Variants in ERC2 observed in about 807,000 individuals in gnomAD.
ERC2 encodes ERC protein 2.
In ERC2, 42 loss-of-function variants were observed where a neutral mutation model predicts 114.8. The ratio of observed to expected loss-of-function variants is 0.37; its 90% CI spans 0.29 to 0.47. The LOEUF is 0.47. Among genes scored for constraint, ERC2 ranks in the 20% least tolerant of loss-of-function variants. The pLI is 0.99. For synonymous variants in ERC2, 454 were observed against 425.5 expected, an observed-to-expected ratio of 1.07 and a Z score of -0.82; for missense variants, 939 against 1,150.7, an observed-to-expected ratio of 0.82 and a Z score of 2.66.
chr3:55,721,839 AC>A (rs2148888074), intron 15 of ERC2, among the ~76,000 whole-genome samples: 1 of 152,166 alleles, frequency 6.6e-6, no homozygotes, highest in East Asian at 1.9e-4. Flanking sequence ...CCTCCTTCCT[AC>A]CCCAGCACCC....
At chr3:56,287,397 T>A (rs1336021959) in intron 3 of ERC2, among the ~76,000 whole-genome samples, 3 of 152,192 alleles carry the variant, frequency 2.0e-5, no homozygotes, top group Admixed American at 6.5e-5. Context: ...CTCACAAAAA[T>A]TCACCTATTT....
intron 1 of ERC2, among the ~76,000 whole-genome samples, chr3:56,448,787 G>A (rs1246310912): frequency 1.3e-5 from 2 of 152,072 alleles, no homozygotes; most frequent in South Asian, 4.1e-4. Flanking sequence ...AAAAACAAGT[G>A]GTAGTTGGCC....
intron 14 of ERC2, among the ~76,000 whole-genome samples, chr3:55,797,515 C>A (rs572142242): frequency 2.0e-5 from 3 of 152,156 alleles, no homozygotes; most frequent in African/African-American, 7.2e-5. Context: ...CAGTCACTTG[C>A]GGTTCCCACT....
At chr3:56,313,184 A>G (rs2056696652) in intron 2 of ERC2, among the ~76,000 whole-genome samples, 1 of 149,814 alleles carries the variant, frequency 6.7e-6, no homozygotes, top group African/African-American at 2.4e-5. Flanking sequence ...ATTGCTGGGG[A>G]GAGGAGGATG....
intron 4 of ERC2, among the ~76,000 whole-genome samples, chr3:56,172,182 A>G (rs1038604644): frequency 1.3e-5 from 2 of 152,114 alleles, no homozygotes; most frequent in Non-Finnish European, 2.9e-5. Context: ...TAAGTTTAAA[A>G]CAACTGATGA....
intron 14 of ERC2, among the ~76,000 whole-genome samples, chr3:55,800,569 C>G (rs1020543392): frequency 2.6e-5 from 4 of 152,172 alleles, no homozygotes; most frequent in Admixed American, 2.6e-4. Context: ...GACATTATCT[C>G]ACAATGACAC....
chr3:55,770,187 G>A (rs1392528256), intron 14 of ERC2, among the ~76,000 whole-genome samples: 1 of 152,132 alleles, frequency 6.6e-6, no homozygotes, highest in Non-Finnish European at 1.5e-5. Flanking sequence ...TAGAGTGATG[G>A]TGACATGTAG....
At chr3:55,806,626 A>C (rs1377916429) in intron 14 of ERC2, among the ~76,000 whole-genome samples, 1 of 152,152 alleles carries the variant, frequency 6.6e-6, no homozygotes, top group African/African-American at 2.4e-5. Context: ...TGCTACTGGC[A>C]TCCAATGGGC....
At chr3:55,753,355 G>T (rs749437696) in intron 14 of ERC2, among the ~76,000 whole-genome samples, 1 of 152,108 alleles carries the variant, frequency 6.6e-6, no homozygotes, top group Non-Finnish European at 1.5e-5. Flanking sequence ...TTAGCTGTGG[G>T]AATCTATAAA....
intron 15 of ERC2, among the ~76,000 whole-genome samples, chr3:55,722,315 C>T (rs2064617641): frequency 6.6e-6 from 1 of 152,084 alleles, no homozygotes; most frequent in African/African-American, 2.4e-5. Context: ...AGCAACTGCA[C>T]GTGGGGAGCT....
At chr3:56,204,309 C>G (rs1004570502) in intron 3 of ERC2, among the ~76,000 whole-genome samples, 2 of 152,018 alleles carry the variant, frequency 1.3e-5, no homozygotes, top group African/African-American at 2.4e-5. Flanking sequence ...CAACATGGTG[C>G]GTGGTACACA....
At chr3:55,915,198 T>A (rs1416181503) in intron 13 of ERC2, among the ~76,000 whole-genome samples, 1 of 152,170 alleles carries the variant, frequency 6.6e-6, no homozygotes. Flanking sequence ...TTAACATTAT[T>A]TCAGCACTTT....
chr3:55,576,181 C>A (rs1172883766), intron 17 of ERC2, among the ~76,000 whole-genome samples: 1 of 151,968 alleles, frequency 6.6e-6, no homozygotes, highest in Non-Finnish European at 1.5e-5. Context: ...CATGGTGGCA[C>A]ACCTGTAGTC....
chr3:56,094,146 G>A (rs2077935606), intron 6 of ERC2, among the ~76,000 whole-genome samples: 2 of 152,168 alleles, frequency 1.3e-5, no homozygotes, highest in South Asian at 4.1e-4. Flanking sequence ...AGGAAAGGCT[G>A]TTCTAAAGTA....
intron 10 of ERC2, among the ~76,000 whole-genome samples, chr3:55,998,481 G>A (rs1033997517): frequency 6.6e-6 from 1 of 152,112 alleles, no homozygotes; most frequent in African/African-American, 2.4e-5. Flanking sequence ...CTGAAAGCCT[G>A]GATCAATTAT....
At chr3:56,061,670 C>T (rs2076251592) in intron 7 of ERC2, among the ~76,000 whole-genome samples, 1 of 152,244 alleles carries the variant, frequency 6.6e-6, no homozygotes, top group Admixed American at 6.5e-5. Flanking sequence ...AAATGAAATA[C>T]TAAACCAAAG....
At chr3:56,049,398 T>C (rs1420072323) in intron 7 of ERC2, among the ~76,000 whole-genome samples, 8 of 152,100 alleles carry the variant, frequency 5.3e-5, no homozygotes, top group Admixed American at 6.5e-5. Context: ...TACTCCACAA[T>C]AAAAAAGAAT....
chr3:56,253,649 G>A (rs1488123159), intron 3 of ERC2, among the ~76,000 whole-genome samples: 1 of 152,176 alleles, frequency 6.6e-6, no homozygotes, highest in African/African-American at 2.4e-5. Flanking sequence ...GTTCAGTCCA[G>A]GTCAAACATG....
chr3:55,572,876 C>A (rs959402594), intron 17 of ERC2, among the ~76,000 whole-genome samples: 1 of 152,184 alleles, frequency 6.6e-6, no homozygotes, highest in South Asian at 2.1e-4. Flanking sequence ...TCTACTCTAT[C>A]ACTTTAATTC....
Sources: gnomAD v4.1 joint callset for allele counts (sites outside exome capture counted in the v4.1 genomes callset) on GRCh38, gnomAD v4.1.1 for gene constraint, MANE v1.5 for transcripts, NCBI Gene and HGNC (gene_info 2026-07-23, HGNC 2026-07-21) for gene names.